CEP83: variants seen among roughly 807,000 people sequenced by gnomAD.
CEP83 encodes centrosomal protein of 83 kDa.
A neutral mutation model predicts 101.9 loss-of-function variants in CEP83; 70 were observed. That is an observed-to-expected ratio of 0.69 (90% CI 0.57 to 0.84). The LOEUF is 0.84. Ranked by LOEUF, CEP83 falls within the 40% of genes least tolerant of loss-of-function variation. CEP83 has a pLI of 0.00. For synonymous variants in CEP83, 264 were observed against 267.9 expected (o/e 0.99, Z 0.14); for missense variants, 715 against 787.2 (o/e 0.91, Z 1.10).
At chr12:94,441,435 T>C (rs898460219) in intron 1 of CEP83, among the ~76,000 whole-genome samples, 3 of 152,166 alleles carry the variant, frequency 2.0e-5, no homozygotes, top group Non-Finnish European at 4.4e-5. Flanking sequence ...TCAACATCAC[T>C]ATCAGGGAAA....
rs535935290 is a variant in CEP83, at chr12:94,448,113, T to A, written c.-155+11444A>T. Among the ~76,000 whole-genome samples the A allele has an allele frequency of 9.2e-5, 14 of 152,038 alleles. No homozygotes were observed. In the East Asian group the frequency reaches 2.7e-3, roughly 29 times the overall value. On this transcript the variant is annotated intron_variant, in intron 1 of 16. Coordinates refer to ENST00000397809, the MANE Select transcript of CEP83 (RefSeq NM_016122.3). ...ATAAACAGGTTAAAATTAAAAGGAT[T>A]TTTTTAAAAAAATACACCATAGAAA... is the stretch of plus-strand genomic sequence containing the variant.
the CEP83 span, among the ~76,000 whole-genome samples, chr12:94,266,746 C>T: frequency 6.6e-6 from 1 of 152,220 alleles, no homozygotes; most frequent in African/African-American, 2.4e-5. Flanking sequence ...GGTTCCTACC[C>T]ATCTCATGAG....
chr12:94,328,235 G>A (rs1311994273), intron 14 of CEP83: 3 of 313,324 alleles, frequency 9.6e-6, no homozygotes, highest in Non-Finnish European at 1.9e-5. Flanking sequence ...TCTCTTCAAT[G>A]GGGGTGGGGG....
At chr12:94,451,811 C>T (rs1327257242) in intron 1 of CEP83, among the ~76,000 whole-genome samples, 1 of 152,086 alleles carries the variant, frequency 6.6e-6, no homozygotes, top group Non-Finnish European at 1.5e-5. Context: ...TTACCCAAAA[C>T]AAATGAATAC....
At chr12:94,362,636 C>CA (rs1176791369) in intron 11 of CEP83, among the ~76,000 whole-genome samples, 6 of 151,538 alleles carry the variant, frequency 4.0e-5, no homozygotes, top group Non-Finnish European at 7.4e-5. Flanking sequence ...GACCCTGTCT[C>CA]AAAAAAAACT....
intron 14 of CEP83, among the ~76,000 whole-genome samples, chr12:94,320,854 G>C (rs1223447920): frequency 6.6e-6 from 1 of 152,168 alleles, no homozygotes; most frequent in African/African-American, 2.4e-5. Context: ...AAAATCTGAT[G>C]ATTATGTGTC....
intron 1 of CEP83, among the ~76,000 whole-genome samples, chr12:94,451,486 A>AC (rs1050023135): frequency 5.7e-5 from 8 of 140,416 alleles, no homozygotes; most frequent in African/African-American, 2.1e-4. Flanking sequence ...AAAAAAAAAA[A>AC]CCCAGCTAAA....
the CEP83 span, among the ~76,000 whole-genome samples, chr12:94,285,804 T>G: frequency 6.6e-6 from 1 of 151,982 alleles, no homozygotes; most frequent in Non-Finnish European, 1.5e-5. Flanking sequence ...CTTGTCTTGA[T>G]GAGTTAGGAG....
chr12:94,301,632 A>G (rs367909814), downstream of CEP83, among the ~76,000 whole-genome samples: 4 of 152,310 alleles, frequency 2.6e-5, no homozygotes, highest in East Asian at 1.9e-4. Context: ...GCTCCAAAAT[A>G]TACTAAACTG....
At chr12:94,431,433 A>G (rs1302080314) in intron 2 of CEP83, among the ~76,000 whole-genome samples, 1 of 152,178 alleles carries the variant, frequency 6.6e-6, no homozygotes. Context: ...AAGAACAAAA[A>G]TAGACAAGTG....
In CEP83 at chr12:94,376,690, TACACACACACACAC is replaced by T. The variant is rs533315599; in HGVS notation, c.802-687_802-674del. On this transcript the variant is annotated intron_variant, in intron 7 of 16. Transcript: ENST00000397809. Reference sequence around the variant, plus strand: ...ATTCAACATAATATATATACATATATACACACACACACACACACACACACACACACACACACACA... The same window carrying T: ...ATTCAACATAATATATATACATATATACACACACACACACACACACACACA... 3.8e-3 allele frequency among the ~76,000 whole-genome samples: 442 copies of T among 117,390 alleles called. 4 individuals are homozygous for T. The highest frequency in any genetic ancestry group is 4.5e-3 in the Middle Eastern group (1 of 220). The allele number at this position is 117,390 out of a possible 152,430, so 77.0% of individuals were successfully genotyped here.
the CEP83 span, chr12:94,280,003 C>A: frequency 2.6e-6 from 1 of 386,366 alleles, no homozygotes; most frequent in Non-Finnish European, 5.0e-6. Flanking sequence ...GCGTGTGTTG[C>A]ATTTCACATT....
intron 11 of CEP83, among the ~76,000 whole-genome samples, chr12:94,342,575 T>G (rs533771827): frequency 6.6e-6 from 1 of 152,342 alleles, no homozygotes; most frequent in Non-Finnish European, 1.5e-5. Context: ...GCTCACTGCA[T>G]GTGAATGTAC....
the CEP83 span, chr12:94,276,902 C>T: frequency 2.0e-5 from 3 of 152,150 alleles, no homozygotes; most frequent in Non-Finnish European, 4.4e-5. Flanking sequence ...GAGGGAAACT[C>T]GTACAGGCCA....
At position 94,310,080 on chromosome 12, in the gene CEP83, TGTATA is replaced by T; in HGVS notation, c.1834_1838del (p.Tyr612LysfsTer14). On this transcript the variant is annotated frameshift_variant, in exon 16 of 17. Transcript: ENST00000397809. LOFTEE classifies it high-confidence loss of function. ...TATCTTTTAGTCTTTTTTGAAGCCTTGTATAGTCTTCAAAAGGAACATTTTGTCTT... is the reference window on the plus strand; with the variant it reads ...TATCTTTTAGTCTTTTTTGAAGCCTTGTCTTCAAAAGGAACATTTTGTCTT... 6.3e-7 allele frequency: 1 copy of T among 1,584,242 alleles called. No homozygotes were observed.
chr12:94,376,004 GA>G lies in CEP83; in HGVS notation c.814del (p.Ser272GlnfsTer23), dbSNP rs2061514907. 1 of 1,555,422 alleles carries G rather than the reference GA, an allele frequency of 6.4e-7. No individual in the cohort carries two copies. Among genetic ancestry groups the G allele is most frequent in the Non-Finnish European group, 8.7e-7 (1 of 1,150,200 alleles). ...TVRSLEAEKQ[S>X]ANLRAERLEK... Reference sequence around the variant, plus strand: ...CAAACGTTCTGCCCGTAAATTAGCTGATTGTTTTTCAGCCTTTCATACAAAC... The same window carrying G: ...CAAACGTTCTGCCCGTAAATTAGCTGTTGTTTTTCAGCCTTTCATACAAAC... On this transcript the variant is annotated frameshift_variant, in exon 8 of 17. Coordinates refer to ENST00000397809, the MANE Select transcript of CEP83 (RefSeq NM_016122.3). LOFTEE classifies it high-confidence loss of function.
intron 6 of CEP83, among the ~76,000 whole-genome samples, chr12:94,386,236 C>T (rs1487899656): frequency 6.6e-6 from 1 of 152,166 alleles, no homozygotes; most frequent in Non-Finnish European, 1.5e-5. Flanking sequence ...CAAAATCCTT[C>T]TGAGATTTCT....
intron 8 of CEP83, among the ~76,000 whole-genome samples, chr12:94,375,206 A>G (rs2061473381): frequency 6.6e-6 from 1 of 152,210 alleles, no homozygotes; most frequent in Non-Finnish European, 1.5e-5. Flanking sequence ...ATTAAGAGCT[A>G]TGAAGCAGGT....
chr12:94,431,238 C>CA (rs1306115569), intron 2 of CEP83, among the ~76,000 whole-genome samples: 1 of 152,196 alleles, frequency 6.6e-6, no homozygotes, highest in African/African-American at 2.4e-5. Flanking sequence ...ACTGAATATC[C>CA]ATATGCAGAA....
Sources: gnomAD v4.1 joint callset for allele counts (sites outside exome capture counted in the v4.1 genomes callset) on GRCh38, gnomAD v4.1.1 for gene constraint, MANE v1.5 for transcripts, NCBI Gene and HGNC (gene_info 2026-07-23, HGNC 2026-07-21) for gene names.